ZNF423: variants seen among roughly 807,000 people sequenced by gnomAD.
ZNF423 encodes Ebf-associated zinc finger protein.
Under a neutral mutation model 95.8 loss-of-function variants are expected in ZNF423, and 12 were observed. The observed-to-expected ratio is 0.13, with a 90% CI of 0.08 to 0.20. The LOEUF (loss-of-function observed/expected upper bound fraction) is 0.20. ZNF423 is among the 10% of genes least tolerant of loss of function. The pLI is 1.00. For synonymous variants in ZNF423, 749 were observed against 711.9 expected (o/e 1.05, Z -0.83); for missense variants, 1,316 against 1,737.1 (o/e 0.76, Z 4.31).
chr16:49,646,883 T>G (rs1973195630), intron 3 of ZNF423, among the ~76,000 whole-genome samples: 1 of 152,194 alleles, frequency 6.6e-6, no homozygotes, highest in Non-Finnish European at 1.5e-5. Context: ...TATGACACAT[T>G]TTCTATGTGC....
intron 2 of ZNF423, among the ~76,000 whole-genome samples, chr16:49,772,263 C>G (rs1054440883): frequency 3.3e-5 from 5 of 152,230 alleles, no homozygotes; most frequent in African/African-American, 1.2e-4. Context: ...ACAAATTCAC[C>G]CTTCTTTTGC....
At chr16:49,647,632 G>T (rs1462214450) in intron 3 of ZNF423, among the ~76,000 whole-genome samples, 1 of 152,142 alleles carries the variant, frequency 6.6e-6, no homozygotes, top group Non-Finnish European at 1.5e-5. Flanking sequence ...ATGGAAGGAG[G>T]CCATATGCCA....
intron 5 of ZNF423, among the ~76,000 whole-genome samples, chr16:49,611,667 A>G (rs769578581): frequency 4.6e-5 from 7 of 152,050 alleles, no homozygotes; most frequent in Non-Finnish European, 8.8e-5. Flanking sequence ...AACAGAAAAC[A>G]GTAAAACAAA....
chr16:49,586,639 C>A (rs1163411202), intron 5 of ZNF423, among the ~76,000 whole-genome samples: 2 of 152,222 alleles, frequency 1.3e-5, no homozygotes, highest in Admixed American at 6.5e-5. Context: ...CAGCTGTCTG[C>A]GAATGTGGCG....
intron 2 of ZNF423, among the ~76,000 whole-genome samples, chr16:49,758,223 C>T (rs890804869): frequency 3.9e-5 from 6 of 152,336 alleles, no homozygotes; most frequent in African/African-American, 1.4e-4. Context: ...ACTACAACCT[C>T]CGCCTCCTGG....
chr16:49,786,793 G>A (rs1343443506), intron 2 of ZNF423, among the ~76,000 whole-genome samples: 2 of 152,238 alleles, frequency 1.3e-5, no homozygotes, highest in East Asian at 3.8e-4. Context: ...GTCAAATGAG[G>A]ATGGGGATTC....
rs537147020 is a variant in ZNF423 at position 49,708,586 on chromosome 16, T to C, written c.301+22185A>G. Among the ~76,000 whole-genome samples the C allele has an allele frequency of 1.4e-3, 206 of 152,224 alleles. 1 individual carries two copies. The highest frequency in any genetic ancestry group is 4.3e-3 in the African/African-American group (180 of 41,572). ...ATTACAGGCATGAGCCACCATGCCC[T>C]GCTCTTCCTTGCAGAACTTAGCTCC... On this transcript the variant is annotated intron_variant, in intron 3 of 7. Coordinates refer to ENST00000563137, the MANE Select transcript of ZNF423 (RefSeq NM_001379286.1).
intron 5 of ZNF423, among the ~76,000 whole-genome samples, chr16:49,551,354 C>A (rs1969627739): frequency 6.6e-6 from 1 of 152,226 alleles, no homozygotes; most frequent in South Asian, 2.1e-4. Flanking sequence ...TGGTTCCTAT[C>A]AGCATCTCAA....
intron 3 of ZNF423, among the ~76,000 whole-genome samples, chr16:49,699,444 T>C (rs1030575760): frequency 3.7e-4 from 57 of 152,300 alleles, no homozygotes; most frequent in African/African-American, 1.4e-3. Flanking sequence ...TGGCCTCGCC[T>C]CCCTGGACAT....
intron 3 of ZNF423, chr16:49,664,131 C>T (rs930890043): frequency 1.2e-5 from 12 of 985,590 alleles, no homozygotes; most frequent in Non-Finnish European, 1.3e-5. Flanking sequence ...GCAAACTGGC[C>T]GATGCCAAGA....
chr16:49,682,711 G>A (rs1318500431), intron 3 of ZNF423, among the ~76,000 whole-genome samples: 2 of 152,198 alleles, frequency 1.3e-5, no homozygotes, highest in African/African-American at 4.8e-5. Flanking sequence ...CACCATCCCT[G>A]CTACTCCCTG....
chr16:49,524,813 G>A (rs997116119), intron 6 of ZNF423, among the ~76,000 whole-genome samples: 6 of 152,228 alleles, frequency 3.9e-5, no homozygotes, highest in African/African-American at 7.2e-5. Flanking sequence ...GGAGGGGGCC[G>A]GCAGAGCCCC....
At position 49,662,132 on chromosome 16, in the gene ZNF423, G is replaced by A. The variant is rs150285601; in HGVS notation, c.302-23258C>T. ...CCCACTCCCAGGTTACCCTTCTCGC[G>A]GGCATCCCCAATTTACCACCTCCTT... On this transcript the variant is annotated intron_variant, in intron 3 of 7. Coordinates refer to ENST00000563137, the MANE Select transcript of ZNF423 (RefSeq NM_001379286.1). 1.5e-3 allele frequency among the ~76,000 whole-genome samples: 230 copies of A among 152,242 alleles called. 2 individuals are homozygous for A. Among genetic ancestry groups the A allele is most frequent in the Middle Eastern group, 0.014 (4 of 294 alleles).
chr16:49,796,854 T>C (rs904962466), intron 1 of ZNF423, among the ~76,000 whole-genome samples: 5 of 152,120 alleles, frequency 3.3e-5, no homozygotes, highest in African/African-American at 1.2e-4. Flanking sequence ...GATCCATAGA[T>C]TTCATCAGAA....
chr16:49,536,260 C>CT (rs1969051489), intron 5 of ZNF423, among the ~76,000 whole-genome samples: 1 of 152,184 alleles, frequency 6.6e-6, no homozygotes, highest in Non-Finnish European at 1.5e-5. Context: ...GAATTCACCA[C>CT]TTTCTCAAAG....
intron 5 of ZNF423, among the ~76,000 whole-genome samples, chr16:49,597,402 C>T (rs186414556): frequency 4.6e-5 from 7 of 152,120 alleles, no homozygotes; most frequent in Middle Eastern, 3.4e-3. Context: ...AGGTTTAGTA[C>T]GATAAAAGAA....
chr16:49,503,218 C>A (rs1001167600), intron 7 of ZNF423, among the ~76,000 whole-genome samples: 1 of 152,324 alleles, frequency 6.6e-6, no homozygotes, highest in East Asian at 1.9e-4. Context: ...AGCAGCCCCA[C>A]CTGCCCAGGA....
At chr16:49,856,325 T>G (rs1438007522), upstream of ZNF423, among the ~76,000 whole-genome samples, 1 of 146,626 alleles carries the variant, frequency 6.8e-6, no homozygotes, top group South Asian at 2.2e-4. Context: ...GAGCTCACAA[T>G]GAACCCATCT....
At chr16:49,523,972 G>T (rs190749902) in intron 6 of ZNF423, among the ~76,000 whole-genome samples, 1 of 152,314 alleles carries the variant, frequency 6.6e-6, no homozygotes, top group East Asian at 1.9e-4. Flanking sequence ...ACCTCTCTGG[G>T]CTCCATTTCC....
Sources: gnomAD v4.1 joint callset for allele counts (sites outside exome capture counted in the v4.1 genomes callset) on GRCh38, gnomAD v4.1.1 for gene constraint, MANE v1.5 for transcripts, NCBI Gene and HGNC (gene_info 2026-07-23, HGNC 2026-07-21) for gene names.